CUX1: variants seen among roughly 807,000 people sequenced by gnomAD.
CUX1 encodes cut like homeobox 1.
Under a neutral mutation model 158.8 loss-of-function variants are expected in CUX1, and 31 were observed. The ratio of observed to expected loss-of-function variants is 0.20; its 90% confidence interval spans 0.15 to 0.26. The LOEUF (loss-of-function observed/expected upper bound fraction) is 0.26, where lower values mean the gene tolerates loss of function less well. Ranked by LOEUF, CUX1 falls within the 10% of genes least tolerant of loss-of-function variation. The pLI, the probability that CUX1 is intolerant of heterozygous loss-of-function variation, is 1.00. For missense variants in CUX1, 1,589 were observed against 2,014.6 expected, an observed-to-expected ratio of 0.79 and a Z score of 4.04; for synonymous variants, 879 against 862.1, an observed-to-expected ratio of 1.02 and a Z score of -0.34.
downstream of CUX1, among the ~76,000 whole-genome samples, chr7:102,260,124 TA>T (rs1790281885): frequency 1.3e-5 from 2 of 150,206 alleles, no homozygotes. Context: ...AAGGAACACT[TA>T]GCTCAAAGTC....
At chr7:101,918,277 T>A (rs1302265581) in intron 2 of CUX1, among the ~76,000 whole-genome samples, 3 of 152,242 alleles carry the variant, frequency 2.0e-5, no homozygotes, top group African/African-American at 7.2e-5. Context: ...CCATCGTGCC[T>A]TGTGTCGAAT....
intron 3 of CUX1, among the ~76,000 whole-genome samples, chr7:102,050,043 T>C (rs1823289181): frequency 6.6e-6 from 1 of 152,102 alleles, no homozygotes; most frequent in Non-Finnish European, 1.5e-5. Context: ...AGGAGCAGAC[T>C]CCCGGGGTGT....
chr7:101,913,812 C>G (rs1296517891), intron 1 of CUX1, among the ~76,000 whole-genome samples: 1 of 152,190 alleles, frequency 6.6e-6, no homozygotes. Context: ...TTTTCTGCGT[C>G]TGTGTGCGAT....
At chr7:102,220,484 C>T (rs1047654390) in intron 20 of CUX1, among the ~76,000 whole-genome samples, 2 of 152,254 alleles carry the variant, frequency 1.3e-5, no homozygotes, top group Admixed American at 6.5e-5. Flanking sequence ...AGTTCCGGAG[C>T]AGGTCTGGTG....
chr7:102,213,837 T>C (rs1299100005), intron 20 of CUX1, among the ~76,000 whole-genome samples: 1 of 152,116 alleles, frequency 6.6e-6, no homozygotes, highest in Non-Finnish European at 1.5e-5. Flanking sequence ...CCGTAATCCT[T>C]AATCAGTAAG....
intron 2 of CUX1, among the ~76,000 whole-genome samples, chr7:101,996,967 G>GCGCTCGTGTGCA: frequency 6.6e-6 from 1 of 151,232 alleles, no homozygotes; most frequent in African/African-American, 2.5e-5. Flanking sequence ...TCTGGGAATC[G>GCGCTCGTGTGCA]CTCCCCTGCG....
At chr7:102,268,622 C>T (rs1554545560) in intron 14 of CUX1, among the ~76,000 whole-genome samples, 1 of 152,142 alleles carries the variant, frequency 6.6e-6, no homozygotes, top group African/African-American at 2.4e-5. Flanking sequence ...TAGAGAAATA[C>T]CTGAGGCTGT....
intron 4 of CUX1, among the ~76,000 whole-genome samples, chr7:102,089,977 G>T (rs563993739): frequency 6.6e-6 from 1 of 152,106 alleles, no homozygotes; most frequent in Admixed American, 6.5e-5. Context: ...GTTGTCCAGC[G>T]TCTGTAAATA....
intron 18 of CUX1, among the ~76,000 whole-genome samples, chr7:102,202,489 A>G (rs1795553246): frequency 6.6e-6 from 1 of 152,052 alleles, no homozygotes; most frequent in Non-Finnish European, 1.5e-5. Flanking sequence ...AAAATCCCCA[A>G]TTGACAGGGA....
intron 2 of CUX1, chr7:101,959,693 C>CCT (rs370578704): frequency 1.3e-5 from 2 of 151,980 alleles, no homozygotes; most frequent in East Asian, 1.9e-4. Context: ...TTTTTTTTCC[C>CCT]CTCTCTCTCA....
intron 1 of CUX1, among the ~76,000 whole-genome samples, chr7:101,836,845 A>G (rs1048572032): frequency 1.3e-5 from 2 of 152,116 alleles, no homozygotes; most frequent in African/African-American, 4.8e-5. Context: ...TCATCCCAGC[A>G]TGGGTGCGGT....
rs1823151337 is a variant in CUX1, at chr7:102,048,876, C to T, written c.189+20731C>T. Among the ~76,000 whole-genome samples the T allele has an allele frequency of 5.3e-5, 8 of 152,058 alleles. 1 individual carries two copies. In the South Asian group the frequency reaches 1.7e-3, roughly 32 times the overall value. Reference sequence around the variant, plus strand: ...TTTGACATAAAATCGTTAATGTTGACTGTTTCAGCCTGGGTGACAGAGCGA... The same window carrying T: ...TTTGACATAAAATCGTTAATGTTGATTGTTTCAGCCTGGGTGACAGAGCGA... On this transcript the variant is annotated intron_variant, in intron 3 of 23. Transcript: ENST00000292535.
chr7:101,944,217 G>T (rs1808085834), intron 2 of CUX1, among the ~76,000 whole-genome samples: 1 of 152,096 alleles, frequency 6.6e-6, no homozygotes, highest in Non-Finnish European at 1.5e-5. Flanking sequence ...TGGGTTGCAG[G>T]GGGTAGTTGT....
chr7:101,918,986 C>T lies in CUX1; in HGVS notation c.141+2761C>T, dbSNP rs531644292. ...TTTTTAGTAGATTTCACTATGTTGG[C>T]CAGGCTGGTCTCGAACTCCTGACCT... On this transcript the variant is annotated intron_variant, in intron 2 of 23. Coordinates refer to ENST00000292535, the MANE Select transcript of CUX1 (RefSeq NM_181552.4). Among the ~76,000 whole-genome samples the T allele has an allele frequency of 2.0e-5, 3 of 152,270 alleles. No homozygotes were observed. The East Asian group carries it at 5.8e-4, about 29-fold the overall frequency.
chr7:102,226,246 C>T (rs968416154), intron 20 of CUX1, among the ~76,000 whole-genome samples: 1 of 152,212 alleles, frequency 6.6e-6, no homozygotes. Context: ...GTCACTTCTG[C>T]TGTTGGTTAC....
intron 2 of CUX1, among the ~76,000 whole-genome samples, chr7:101,979,185 G>C (rs1337338255): frequency 1.3e-5 from 2 of 152,164 alleles, no homozygotes; most frequent in African/African-American, 4.8e-5. Context: ...GTGAGTACCA[G>C]GAGATGGAGG....
Position 102,080,564 on chromosome 7 carries a change from G to A in CUX1, c.268+10147G>A, listed in dbSNP as rs150167124. On this transcript the variant is annotated intron_variant, in intron 4 of 23. Transcript: ENST00000292535. ...GGACAGCCCCCATCGCCCGCAGAGCGCACTGTGCAAACATGAGCCTCATGT... is the reference window on the plus strand; with the variant it reads ...GGACAGCCCCCATCGCCCGCAGAGCACACTGTGCAAACATGAGCCTCATGT... Among the ~76,000 whole-genome samples, 145 of 152,226 alleles carry A rather than the reference G, an allele frequency of 9.5e-4. 4 individuals are homozygous for A. The East Asian group carries it at 0.02, about 21-fold the overall frequency.
At chr7:102,028,390 G>A (rs1456296915) in intron 3 of CUX1, among the ~76,000 whole-genome samples, 1 of 152,210 alleles carries the variant, frequency 6.6e-6, no homozygotes, top group Non-Finnish European at 1.5e-5. Flanking sequence ...ATTGCCAGCA[G>A]AAGTGCCCCG....
intron 4 of CUX1, among the ~76,000 whole-genome samples, chr7:102,072,344 G>A (rs1389484125): frequency 3.3e-5 from 5 of 152,174 alleles, no homozygotes; most frequent in Admixed American, 3.3e-4. Flanking sequence ...ACCAACCAGA[G>A]GCTGAAGTGA....
Sources: allele counts gnomAD v4.1 joint callset (sites outside exome capture counted in the v4.1 genomes callset), GRCh38; gene constraint gnomAD v4.1.1; transcripts MANE v1.5; gene names NCBI Gene and HGNC (gene_info 2026-07-23, HGNC 2026-07-21).